The following DDX21 variants were observed in gnomAD, a reference collection of about 807,000 sequenced individuals.
The protein encoded by DDX21 is DExD-box helicase 21.
In DDX21, 18 loss-of-function variants were observed where a neutral mutation model predicts 90.0. The observed-to-expected ratio is 0.20, with a 90% CI of 0.14 to 0.30. The LOEUF (loss-of-function observed/expected upper bound fraction) is 0.30, where lower values mean the gene tolerates loss of function less well. Among genes scored for constraint, DDX21 ranks in the 10% least tolerant of loss-of-function variants. The pLI, the probability that DDX21 is intolerant of heterozygous loss-of-function variation, is 1.00. For synonymous variants in DDX21, 294 were observed against 318.0 expected, an observed-to-expected ratio of 0.92 and a Z score of 0.80; for missense variants, 673 against 944.5, an observed-to-expected ratio of 0.71 and a Z score of 3.77.
intron 8 of DDX21, among the ~76,000 whole-genome samples, chr10:68,970,606 G>A (rs113021074): frequency 1.3e-5 from 2 of 151,380 alleles, no homozygotes; most frequent in African/African-American, 4.9e-5. Context: ...TCAGTCTCCC[G>A]AGTAGCTGGG....
chr10:68,970,543 G>A (rs924685882), intron 8 of DDX21, among the ~76,000 whole-genome samples, 193 bp downstream of exon 8: 4 of 150,714 alleles, frequency 2.7e-5, no homozygotes, highest in African/African-American at 9.8e-5. Flanking sequence ...AGGCTGGAGT[G>A]CAGTGGTGTG....
intron 11 of DDX21, among the ~76,000 whole-genome samples, chr10:68,975,217 C>T (rs1843082688): frequency 6.6e-6 from 1 of 152,190 alleles, no homozygotes; most frequent in Non-Finnish European, 1.5e-5. Context: ...AATCCAGTTC[C>T]TTCCCTGGTA....
chr10:68,960,119 A>C lies in DDX21; in HGVS notation c.401A>C (p.Lys134Thr). 6.2e-7 allele frequency: 1 copy of C among 1,614,148 alleles called. No individual in the cohort carries two copies. The highest frequency in any genetic ancestry group is 8.5e-7 in the Non-Finnish European group (1 of 1,180,020). The part of the protein sequence containing the change: ...EIDAPKPKKM[K>T]KEKEMNGETR... ...GATGCTCCTAAGCCCAAGAAGATGA[A>C]GAAAGAAAAGGAAATGAATGGAGAA... Residue 134 changes from lysine (K) to threonine (T), a missense_variant, in exon 2 of 15, where the codon AAG (lysine) becomes ACG (threonine). Around this residue, in one of 4 missense-constraint regions of DDX21, gnomAD observed 204 missense variants for 221.6 expected, o/e 0.92. Coordinates refer to ENST00000354185, the MANE Select transcript of DDX21 (RefSeq NM_004728.4).
intron 13 of DDX21, among the ~76,000 whole-genome samples, chr10:68,980,832 CAAAAAAA>C (rs11340675): frequency 1.0e-5 from 1 of 99,644 alleles, no homozygotes; most frequent in Non-Finnish European, 2.1e-5. Context: ...CTGTCTCTAC[CAAAAAAA>C]AAAAAAAAAA....
At chr10:68,975,630 A>C (rs755208229) in intron 11 of DDX21, among the ~76,000 whole-genome samples, 9 of 152,308 alleles carry the variant, frequency 5.9e-5, no homozygotes, top group Admixed American at 3.3e-4. Context: ...ATAGTTCAGG[A>C]AAGTTTTGTT....
At position 68,984,376 on chromosome 10, in the gene DDX21, C is replaced by T. The variant is rs541188453; in HGVS notation, c.*1564C>T. ...TAATCCTTGAGGCAACATTCTTTTT[C>T]TATTTGAACTTCAGTTCTGTCCTTG... On this transcript the variant is annotated 3_prime_UTR_variant, in exon 15 of 15. Transcript: ENST00000354185. 6 of 152,266 alleles carry T rather than the reference C, an allele frequency of 3.9e-5. No individual in the cohort carries two copies. In the South Asian group the frequency reaches 1.2e-3, roughly 32 times the overall value. The allele number at this position is 152,266 out of a possible 1,614,324, so 9.4% of individuals were successfully genotyped here.
rs955298727 is a variant in DDX21 at position 68,983,503 on chromosome 10, C to A, written c.*691C>A. On this transcript the variant is annotated 3_prime_UTR_variant, in exon 15 of 15. Coordinates refer to ENST00000354185, the MANE Select transcript of DDX21 (RefSeq NM_004728.4). ...TTCATAGATAGTATATATAAAAGTACATTTTAATAGAAAGCCAGGGTTTTA... is the reference window on the plus strand; with the variant it reads ...TTCATAGATAGTATATATAAAAGTAAATTTTAATAGAAAGCCAGGGTTTTA... 1 of 151,946 alleles carries A rather than the reference C, an allele frequency of 6.6e-6. No individual in the cohort carries two copies. Among genetic ancestry groups the A allele is most frequent in the African/African-American group, 2.4e-5 (1 of 41,366 alleles). 9.4% of individuals were successfully genotyped at this position (151,946 alleles called of 1,614,324 possible). A position where few individuals can be genotyped will look rare whatever the true frequency, so the allele number is the denominator to read the frequency against.
At chr10:68,969,553 C>T (rs2132087049) in intron 7 of DDX21, among the ~76,000 whole-genome samples, 1 of 152,352 alleles carries the variant, frequency 6.6e-6, no homozygotes, top group South Asian at 2.1e-4. Flanking sequence ...GCTGGGATTA[C>T]AGGTGTGAGC....
Position 68,967,007 on chromosome 10 carries a change from GT to G in DDX21, c.905-5del. 1 of 1,603,208 alleles carries G rather than the reference GT, an allele frequency of 6.2e-7. No homozygotes were observed. The highest frequency in any genetic ancestry group is 8.5e-7 in the Non-Finnish European group (1 of 1,172,968). ...TAAAAACCCAGCAAATCTTGTCATT[GT>G]TTTTTATAGTTGAACGCATGAGGAA... is the stretch of plus-strand genomic sequence containing the variant. On this transcript the variant is annotated splice_polypyrimidine_tract_variant and intron_variant, in intron 5 of 14. Coordinates refer to ENST00000354185, the MANE Select transcript of DDX21 (RefSeq NM_004728.4).
At chr10:68,956,436 G>A (rs1424096925) in intron 1 of DDX21, 124 bp downstream of exon 1, 1 of 1,507,058 alleles carries the variant, frequency 6.6e-7, no homozygotes, top group Non-Finnish European at 8.9e-7. Flanking sequence ...CAGACACCGG[G>A]CGTGGGTCTT....
At chr10:68,967,665 GT>G (rs1379081262) in intron 6 of DDX21, among the ~76,000 whole-genome samples, 1 of 152,012 alleles carries the variant, frequency 6.6e-6, no homozygotes, top group Non-Finnish European at 1.5e-5. Context: ...ACCATCTTCT[GT>G]CATCTTGATG....
At chr10:68,968,010 A>G (rs1372775641) in intron 6 of DDX21, among the ~76,000 whole-genome samples, 1 of 151,892 alleles carries the variant, frequency 6.6e-6, no homozygotes, top group African/African-American at 2.4e-5. Context: ...TCCTCCGAGT[A>G]GCTGGGACTA....
chr10:68,976,473 G>A (rs530205014), intron 11 of DDX21, among the ~76,000 whole-genome samples: 188 of 152,058 alleles, frequency 1.2e-3, no homozygotes, highest in Middle Eastern at 3.4e-3. Flanking sequence ...ATTTTTAGTA[G>A]AGACGGGGTT....
intron 11 of DDX21, among the ~76,000 whole-genome samples, chr10:68,976,939 CTTTT>C (rs1843110065): frequency 2.0e-5 from 3 of 151,624 alleles, no homozygotes; most frequent in African/African-American, 7.3e-5. Flanking sequence ...TTTCTTATTT[CTTTT>C]ATTTTCTTTT....
At chr10:68,962,480 G>A (rs553340947) in intron 3 of DDX21, among the ~76,000 whole-genome samples, 10 of 152,258 alleles carry the variant, frequency 6.6e-5, no homozygotes, top group Admixed American at 2.6e-4. Flanking sequence ...TGGGCACGTG[G>A]TAACACACAT....
rs536827424 is a variant in DDX21, at chr10:68,967,266, T to G, written c.1090+63T>G. ...AAGGAAGGGTGGTAACTCTGTCTCC[T>G]GGGTTCAAGTGACTCTCATGCCTCA... On this transcript the variant is annotated intron_variant, in intron 6 of 14. Transcript: ENST00000354185. 37 of 1,499,488 alleles carry G rather than the reference T, an allele frequency of 2.5e-5. No homozygotes were observed. In the East Asian group the frequency reaches 8.0e-4, roughly 32 times the overall value. 92.9% of individuals were successfully genotyped at this position (1,499,488 alleles called of 1,614,324 possible).
chr10:68,978,770 A>C, intron 12 of DDX21, 72 bp from the exon 13 acceptor site: 1 of 1,535,078 alleles, frequency 6.5e-7, no homozygotes, highest in African/African-American at 1.4e-5. Context: ...TTTTAGAATC[A>C]CAAAAGCAGG....
intron 5 of DDX21, 84 bp from the exon 6 acceptor site, chr10:68,966,934 G>A (rs534221713): frequency 5.3e-6 from 6 of 1,137,940 alleles, no homozygotes; most frequent in Middle Eastern, 4.2e-4. Flanking sequence ...ATATTTTAGA[G>A]TAACAATACA....
rs1732255933 is a variant in DDX21 at position 68,958,561 on chromosome 10, CG to C, written c.88-1244del. 2.0e-5 allele frequency among the ~76,000 whole-genome samples: 3 copies of C among 152,104 alleles called. No individual in the cohort carries two copies. In the South Asian group the frequency reaches 6.2e-4, roughly 32 times the overall value. On this transcript the variant is annotated intron_variant, in intron 1 of 14. Transcript: ENST00000354185. ...AAGCAGTTCTCCTGCCTCAGCCTCCCGAGTAGCTGGGACTACAGGTGCGTGC... is the reference window on the plus strand; with the variant it reads ...AAGCAGTTCTCCTGCCTCAGCCTCCCAGTAGCTGGGACTACAGGTGCGTGC...
Sources: gnomAD v4.1 joint callset for allele counts (sites outside exome capture counted in the v4.1 genomes callset) on GRCh38, gnomAD v4.1.1 for gene constraint, gnomAD v4.1.1 regional missense constraint, MANE v1.5 for transcripts, NCBI Gene and HGNC (gene_info 2026-07-23, HGNC 2026-07-21) for gene names.